The following ITGA7 variants were observed in gnomAD, a reference collection of about 807,000 sequenced individuals.
ITGA7 encodes the protein integrin subunit alpha 7.
A neutral mutation model predicts 131.6 loss-of-function variants in ITGA7; 84 were observed. The ratio of observed to expected loss-of-function variants is 0.64; its 90% confidence interval spans 0.54 to 0.77. The LOEUF is 0.77. ITGA7 is among the 30% of genes least tolerant of loss of function. ITGA7 has a pLI of 0.00. For missense variants in ITGA7, 1,399 were observed against 1,482.9 expected (o/e 0.94, Z 0.93); for synonymous variants, 548 against 600.7 (o/e 0.91, Z 1.28).
In ITGA7 at chr12:55,693,141, C is replaced by G; in HGVS notation, c.2712G>C (p.Leu904=). ...ACCCCCACCCCCACCTAAGCCTCAC[C>G]AGGTGGAGGATGTTGGGCCTGGGAG... ...LCSPRPNILH[L]DVDSRDRRRR... is the part of the protein sequence containing the mutation. Residue 904 remains leucine (L), a splice_region_variant and synonymous_variant, in exon 20 of 25, where the codon CTG becomes CTC. Transcript: ENST00000257879. 1.9e-6 allele frequency: 3 copies of G among 1,613,796 alleles called. No individual in the cohort carries two copies. The highest frequency in any genetic ancestry group is 2.5e-6 in the Non-Finnish European group (3 of 1,179,730).
At chr12:55,695,765 G>T in intron 13 of ITGA7, 128 bp from the exon 14 acceptor site, 2 of 708,138 alleles carry the variant, frequency 2.8e-6, no homozygotes, top group Non-Finnish European at 5.1e-6. Flanking sequence ...CAGATCTGCT[G>T]CTTATTAGCC....
Position 55,694,105 on chromosome 12 carries a change from T to C in ITGA7, c.2451A>G (p.Gln817=). Residue 817 remains glutamine, a synonymous_variant, in exon 19 of 25, where the codon CAA becomes CAG. Transcript: ENST00000257879. This position sits in a 1 kb window ranked among gnomAD's most constrained non-coding sequence, Gnocchi z 5.3. ...LSIAGMAIPQ[Q]LFFSGVVRGE... Reference sequence around the variant, plus strand: ...CCCTCACCACACCAGAGAAGAAGAGTTGCTGGGGAATGGCCATTCTGGCGT... The same window carrying C: ...CCCTCACCACACCAGAGAAGAAGAGCTGCTGGGGAATGGCCATTCTGGCGT... 1 of 1,613,952 alleles carries C rather than the reference T, an allele frequency of 6.2e-7. No individual in the cohort carries two copies.
At chr12:55,707,441 C>G in intron 1 of ITGA7, 36 bp downstream of exon 1, 1 of 1,550,214 alleles carries the variant, frequency 6.5e-7, no homozygotes, top group Non-Finnish European at 8.9e-7. Context: ...ATCTGTGGCT[C>G]GGGCATGGCG....
Position 55,694,415 on chromosome 12 carries a change from C to A in ITGA7, c.2357+28G>T, listed in dbSNP as rs1024723898. 8 of 1,613,624 alleles carry A rather than the reference C, an allele frequency of 5.0e-6. No homozygotes were observed. The East Asian group carries it at 1.8e-4, about 36-fold the overall frequency. ...ATGAGGTCAATATGACTACCCCCAC[C>A]TCACCCTTCCGGCCCCGCCTGGCTT... On this transcript the variant is annotated intron_variant, in intron 17 of 24. Coordinates refer to ENST00000257879, the MANE Select transcript of ITGA7 (RefSeq NM_002206.3). The surrounding 1 kb of genome is among the most constrained non-coding windows in gnomAD (Gnocchi z 5.3).
At chr12:55,716,059 C>G (rs751899359), upstream of ITGA7, 10 of 1,558,930 alleles carry the variant, frequency 6.4e-6, no homozygotes, top group South Asian at 4.7e-5. Context: ...GACATGGCCC[C>G]GGGGAGCCGA....
chr12:55,709,093 A>C (rs1875784397), upstream of ITGA7, among the ~76,000 whole-genome samples: 1 of 151,896 alleles, frequency 6.6e-6, no homozygotes, highest in African/African-American at 2.4e-5. Context: ...ACATCTGTCC[A>C]TCTTCCCTTC....
Position 55,688,017 on chromosome 12 carries a change from A to G in ITGA7, c.3137T>C (p.Leu1046Pro). The G allele has an allele frequency of 6.2e-7, 1 of 1,614,210 alleles. No individual in the cohort carries two copies. The highest frequency in any genetic ancestry group is 8.5e-7 in the Non-Finnish European group (1 of 1,180,034). Residue 1046 changes from leucine (L) to proline (P), a missense_variant, in exon 24 of 25, where the codon CTG becomes CCG. Coordinates refer to ENST00000257879, the MANE Select transcript of ITGA7 (RefSeq NM_002206.3). ...VPWWVILLAV[L>P]AGLLVLALLV... ...CAGTGCTAGCACCAGCAGCCCAGCC[A>G]GTACAGCCAGGAGGATGACCCACCA...
At chr12:55,699,466 C>A (rs1261286646) in intron 5 of ITGA7, 6 of 290,906 alleles carry the variant, frequency 2.1e-5, no homozygotes, top group Non-Finnish European at 4.0e-5. Context: ...CTGGTTTCCT[C>A]CTCCTCTGCA....
chr12:55,689,448 T>G (rs1011969479), intron 21 of ITGA7, among the ~76,000 whole-genome samples: 14 of 152,188 alleles, frequency 9.2e-5, no homozygotes, highest in Non-Finnish European at 1.9e-4. Flanking sequence ...ACCCCTGCCC[T>G]AAACCCAAAC....
chr12:55,714,466 C>T (rs1471323061), upstream of ITGA7, among the ~76,000 whole-genome samples: 1 of 149,792 alleles, frequency 6.7e-6, no homozygotes, highest in African/African-American at 2.5e-5. Context: ...TGCAGTGAGC[C>T]GAGATCCCGC....
chr12:55,715,933 C>G (rs1408750992), upstream of ITGA7: 44 of 1,268,230 alleles, frequency 3.5e-5, no homozygotes, highest in Non-Finnish European at 4.5e-5. Flanking sequence ...AACTAAGCTC[C>G]CAATAAAGAA....
intron 24 of ITGA7, among the ~76,000 whole-genome samples, chr12:55,687,402 T>C (rs1592398096): frequency 6.6e-6 from 1 of 151,264 alleles, no homozygotes; most frequent in Admixed American, 6.6e-5. Context: ...TTGGCCAGCT[T>C]GGTCTTGAAC....
At position 55,685,272 on chromosome 12, in the gene ITGA7, C is replaced by A; in HGVS notation, c.3200G>T (p.Arg1067Leu). 2 of 1,614,100 alleles carry A rather than the reference C, an allele frequency of 1.2e-6. No individual in the cohort carries two copies. Among genetic ancestry groups the A allele is most frequent in the Non-Finnish European group, 1.7e-6 (2 of 1,180,032 alleles). The change falls in exon 25 of 25, where the codon CGG (arginine) becomes CTG (leucine). Residue 1067 changes from arginine to leucine, a missense_variant. Coordinates refer to ENST00000257879, the MANE Select transcript of ITGA7 (RefSeq NM_002206.3). ...CACGGTGGCCTCGGGGTGCTTCGCCCGTTTGAAGAATCCCATCTATAAGGA... is the reference window on the plus strand; with the variant it reads ...CACGGTGGCCTCGGGGTGCTTCGCCAGTTTGAAGAATCCCATCTATAAGGA... ...LLLWKMGFFK[R>L]AKHPEATVPQ...
At position 55,685,236 on chromosome 12, in the gene ITGA7, T is replaced by C. The variant is rs749520789; in HGVS notation, c.3236A>G (p.His1079Arg). The C allele has an allele frequency of 1.7e-5, 27 of 1,614,088 alleles. No individual in the cohort carries two copies. The highest frequency in any genetic ancestry group is 2.3e-5 in the Non-Finnish European group (27 of 1,180,042). The change falls in exon 25 of 25, where the codon CAT becomes CGT. Residue 1079 changes from histidine to arginine, a missense_variant. Transcript: ENST00000257879. ...GTCTTCCCGAGGAATCTTCACCGCA[T>C]GGTACTGGGGCACGGTGGCCTCGGG... is the stretch of plus-strand genomic sequence containing the variant. ...KHPEATVPQY[H>R]AVKIPREDRQ...
chr12:55,707,510 A>G lies in ITGA7; in HGVS notation c.173T>C (p.Leu58Pro), dbSNP rs1266488464. The change falls in exon 1 of 25, where the codon CTG becomes CCG. Residue 58 changes from leucine to proline, a missense_variant. By Grantham distance (98) the Leu-to-Pro change is moderately conservative (BLOSUM62 -3). Transcript: ENST00000257879. ...GGGTCGGGGCTGCAACTGCCGGTGC[A>G]GGGCCACAGAGAAGCCGAAGAGGCT... The part of the protein sequence containing the change: ...PGSLFGFSVA[L>P]HRQLQPRPQS... 1.9e-6 allele frequency: 3 copies of G among 1,613,838 alleles called. No individual in the cohort carries two copies. Among genetic ancestry groups the G allele is most frequent in the Non-Finnish European group, 2.5e-6 (3 of 1,179,918 alleles).
upstream of ITGA7, among the ~76,000 whole-genome samples, chr12:55,714,477 C>CA (rs1876359695): frequency 6.7e-6 from 1 of 149,812 alleles, no homozygotes; most frequent in Non-Finnish European, 1.5e-5. Context: ...GAGATCCCGC[C>CA]ACTGCACTCC....
Position 55,688,174 on chromosome 12 carries a change from C to T in ITGA7, c.3057+28G>A, listed in dbSNP as rs561596508. 67 of 1,613,600 alleles carry T rather than the reference C, an allele frequency of 4.2e-5. No individual in the cohort carries two copies. The Middle Eastern group carries it at 6.6e-4, about 16-fold the overall frequency. On this transcript the variant is annotated intron_variant, in intron 23 of 24. Transcript: ENST00000257879. ...GGAGCAGGAAAGAAGAGAGTCCTCC[C>T]CACCTATCCCCCAACCCTGCAGCTC... is the stretch of plus-strand genomic sequence containing the variant.
intron 5 of ITGA7, 147 bp from the exon 6 acceptor site, chr12:55,699,064 G>A (rs1340190144): frequency 2.7e-6 from 2 of 729,838 alleles, no homozygotes; most frequent in Non-Finnish European, 4.6e-6. Flanking sequence ...CCTAGGTTAA[G>A]AGCCAAAAGA....
At chr12:55,701,380 T>C in intron 3 of ITGA7, 1 of 1,552,076 alleles carries the variant, frequency 6.4e-7, no homozygotes. Flanking sequence ...TGCACCCACT[T>C]CCTTGCCCTC....
Sources: allele counts gnomAD v4.1 joint callset (sites outside exome capture counted in the v4.1 genomes callset), GRCh38; gene constraint gnomAD v4.1.1; non-coding constraint Gnocchi (gnomAD v3.1); transcripts MANE v1.5; gene names NCBI Gene and HGNC (gene_info 2026-07-23, HGNC 2026-07-21).